RCBTB2: variants seen among roughly 807,000 people sequenced by gnomAD.
RCBTB2 encodes RCC1 and BTB domain containing protein 2, also known as RCC1 and BTB domain-containing protein 2.
In RCBTB2, 55 loss-of-function variants were observed where a neutral mutation model predicts 65.4. The ratio of observed to expected loss-of-function variants is 0.84; its 90% confidence interval spans 0.68 to 1.05. The LOEUF (loss-of-function observed/expected upper bound fraction) is 1.05, where lower values mean the gene tolerates loss of function less well. RCBTB2 is among the 50% of genes least tolerant of loss of function. RCBTB2 has a pLI of 0.00. For synonymous variants in RCBTB2, 220 were observed against 255.2 expected (o/e 0.86, Z 1.31); for missense variants, 599 against 680.1 (o/e 0.88, Z 1.33).
chr13:48,502,353 C>G (rs907463976), intron 11 of RCBTB2, among the ~76,000 whole-genome samples: 2 of 151,798 alleles, frequency 1.3e-5, no homozygotes, highest in Non-Finnish European at 2.9e-5. Flanking sequence ...ATTAGCCAGG[C>G]ATGGTAATGG....
intron 6 of RCBTB2, 145 bp downstream of exon 6, chr13:48,515,060 C>G: frequency 1.4e-6 from 1 of 731,530 alleles, no homozygotes; most frequent in East Asian, 2.6e-5. Context: ...TCACCTTATG[C>G]TGGCATTCAG....
In RCBTB2 at chr13:48,527,361, T is replaced by TATCATATA; in HGVS notation, c.-218-2605_-218-2604insTATATGAT. ...TGATATATATATATATGATATATAT[T>TATCATATA]TATATATGATATATATATATGATAT... On this transcript the variant is annotated intron_variant, in intron 1 of 14. Coordinates refer to ENST00000344532, the MANE Select transcript of RCBTB2 (RefSeq NM_001268.4). Among the ~76,000 whole-genome samples, 821 of 112,298 alleles carry TATCATATA rather than the reference T, an allele frequency of 7.3e-3. 39 individuals carry two copies. In the East Asian group the frequency reaches 0.075, roughly 10 times the overall value. 73.7% of individuals were successfully genotyped at this position (112,298 alleles called of 152,430 possible).
rs1555299754 is a variant in RCBTB2, at chr13:48,499,168, T to TCTCA, written c.1384+452_1384+453insTGAG. Among the ~76,000 whole-genome samples the TCTCA allele has an allele frequency of 8.4e-3, 1,158 of 137,962 alleles. 12 individuals are homozygous for TCTCA. The highest frequency in any genetic ancestry group is 0.029 in the African/African-American group (1,101 of 37,538). The allele number at this position is 137,962 out of a possible 152,430, so 90.5% of individuals were successfully genotyped here. A position where few individuals can be genotyped will look rare whatever the true frequency, so the allele number is the denominator to read the frequency against. ...CTCTCTCTCTCTCTCTCTCTCTCTCTCACACACACACACACATCCATTCTT... is the reference window on the plus strand; with the variant it reads ...CTCTCTCTCTCTCTCTCTCTCTCTCTCTCACACACACACACACACATCCATTCTT... On this transcript the variant is annotated intron_variant, in intron 13 of 14. Transcript: ENST00000344532.
Position 48,522,182 on chromosome 13 carries a change from C to G in RCBTB2, c.-24+126G>C, listed in dbSNP as rs575826881. The G allele has an allele frequency of 4.0e-6, 3 of 745,200 alleles. No individual in the cohort carries two copies. In the South Asian group the frequency reaches 5.1e-5, roughly 13 times the overall value. 46.2% of individuals were successfully genotyped at this position (745,200 alleles called of 1,614,324 possible). On this transcript the variant is annotated intron_variant, in intron 3 of 14. Coordinates refer to ENST00000344532, the MANE Select transcript of RCBTB2 (RefSeq NM_001268.4). ...CTACTGGATGGCCTCTTACGGGAATCTTCCTGCTGAGGTCTGAAAAAGTAG... is the reference window on the plus strand; with the variant it reads ...CTACTGGATGGCCTCTTACGGGAATGTTCCTGCTGAGGTCTGAAAAAGTAG...
intron 6 of RCBTB2, among the ~76,000 whole-genome samples, chr13:48,514,303 T>C (rs1950966299): frequency 6.6e-6 from 1 of 152,192 alleles, no homozygotes; most frequent in South Asian, 2.1e-4. Context: ...GACAAAGGGA[T>C]GGTTCATGTC....
rs1442354877 is a variant in RCBTB2 at position 48,489,636 on chromosome 13, T to C, written c.*475A>G. 2 of 152,814 alleles carry C rather than the reference T, an allele frequency of 1.3e-5. No individual in the cohort carries two copies. The highest frequency in any genetic ancestry group is 2.9e-5 in the Non-Finnish European group (2 of 68,456). 9.5% of individuals were successfully genotyped at this position (152,814 alleles called of 1,614,324 possible). On this transcript the variant is annotated 3_prime_UTR_variant, in exon 15 of 15. Transcript: ENST00000344532. ...AGTTATTCCTTCTCCCAGTATTCCA[T>C]GACTAAAGCTGTTCTCAGGACATAC...
In RCBTB2 at chr13:48,499,679, C is replaced by T; in HGVS notation, c.1326G>A (p.Arg442=). ...CTGTGTATAGGTATTCCAGGAAGGC[C>T]CGGTAAACAGGATATGAAAATTCAC... ...EMSEFSYPVY[R]AFLEYLYTDS... The change falls in exon 13 of 15, where the codon CGG becomes CGA. Residue 442 remains arginine (R), a synonymous_variant. Coordinates refer to ENST00000344532, the MANE Select transcript of RCBTB2 (RefSeq NM_001268.4). The T allele has an allele frequency of 6.2e-7, 1 of 1,614,120 alleles. No homozygotes were observed. The highest frequency in any genetic ancestry group is 8.5e-7 in the Non-Finnish European group (1 of 1,180,016).
At chr13:48,508,754 C>T (rs1241676619) in intron 10 of RCBTB2, among the ~76,000 whole-genome samples, 4 of 152,172 alleles carry the variant, frequency 2.6e-5, no homozygotes, top group Non-Finnish European at 5.9e-5. Flanking sequence ...TTTAAGAAGA[C>T]AGAAATGCAA....
Position 48,515,206 on chromosome 13 carries a change from T to C in RCBTB2, c.348A>G (p.Thr116=), listed in dbSNP as rs1443297324. ...TTCTACATGGGGTTCCTAGGTTACC[T>C]GTTGTTGCAAGGACAATATGTGGAC... The part of the protein sequence containing the change: ...GSGPHIVLAT[T]EGEVFTWGHN... Residue 116 remains threonine (T), a splice_region_variant and synonymous_variant, in exon 6 of 15, where the codon ACA becomes ACG. Coordinates refer to ENST00000344532, the MANE Select transcript of RCBTB2 (RefSeq NM_001268.4). 4 of 1,611,288 alleles carry C rather than the reference T, an allele frequency of 2.5e-6. No homozygotes were observed. The highest frequency in any genetic ancestry group is 4.5e-5 in the East Asian group (2 of 44,868).
intron 1 of RCBTB2, among the ~76,000 whole-genome samples, chr13:48,525,885 G>A (rs1228238184): frequency 1.3e-5 from 2 of 152,214 alleles, no homozygotes; most frequent in East Asian, 1.9e-4. Context: ...ACATGCAGAA[G>A]ACAGTACTAT....
rs9332049 is a variant in RCBTB2 at position 48,500,836 on chromosome 13, C to G, written c.1244+906G>C. ...GTGTTACAGCAAACAAATCCACCCC[C>G]CTTCTTTCATGCAGGTTGATGTGAT... On this transcript the variant is annotated intron_variant, in intron 12 of 14. Coordinates refer to ENST00000344532, the MANE Select transcript of RCBTB2 (RefSeq NM_001268.4). 5.8e-3 allele frequency among the ~76,000 whole-genome samples: 880 copies of G among 152,268 alleles called. 5 individuals carry two copies. The highest frequency in any genetic ancestry group is 0.01 in the Middle Eastern group (3 of 294).
At chr13:48,518,472 A>AAAAAT (rs1491137365) in intron 4 of RCBTB2, among the ~76,000 whole-genome samples, 46 of 116,582 alleles carry the variant, frequency 3.9e-4, no homozygotes, top group African/African-American at 1.4e-3. Flanking sequence ...AAAAAAAAAA[A>AAAAAT]ATATATATAT....
At chr13:48,497,117 G>T (rs964399676) in intron 13 of RCBTB2, among the ~76,000 whole-genome samples, 1 of 152,160 alleles carries the variant, frequency 6.6e-6, no homozygotes, top group Non-Finnish European at 1.5e-5. Flanking sequence ...CATTTACACA[G>T]AATTTGATAT....
rs1366425462 is a variant in RCBTB2 at position 48,499,142 on chromosome 13, A to ACACT, written c.1384+478_1384+479insAGTG. ...CACACACACACACACACACACACACACTCTCTCTCTCTCTCTCTCTCTCTC... is the reference window on the plus strand; with the variant it reads ...CACACACACACACACACACACACACACACTCTCTCTCTCTCTCTCTCTCTCTCTC... On this transcript the variant is annotated intron_variant, in intron 13 of 14. Transcript: ENST00000344532. 3.7e-3 allele frequency among the ~76,000 whole-genome samples: 496 copies of ACACT among 132,294 alleles called. 1 individual carries two copies. The highest frequency in any genetic ancestry group is 4.4e-3 in the Non-Finnish European group (269 of 61,556). The allele number at this position is 132,294 out of a possible 152,430, so 86.8% of individuals were successfully genotyped here.
intron 9 of RCBTB2, 98 bp from the exon 10 acceptor site, chr13:48,510,869 G>C: frequency 7.9e-7 from 1 of 1,268,144 alleles, no homozygotes; most frequent in South Asian, 1.4e-5. Context: ...AAAAAAGGAA[G>C]AGGCAGCCTA....
rs1358389447 is a variant in RCBTB2, at chr13:48,489,173, T to G, written c.*938A>C. On this transcript the variant is annotated 3_prime_UTR_variant, in exon 15 of 15. Transcript: ENST00000344532. ...AAATTTATCTCATTCTTGTTAATGCTGTCCATGAAATGTAAGTATCAGTTC... is the reference window on the plus strand; with the variant it reads ...AAATTTATCTCATTCTTGTTAATGCGGTCCATGAAATGTAAGTATCAGTTC... 6.6e-6 allele frequency: 1 copy of G among 152,228 alleles called. No individual in the cohort carries two copies. The highest frequency in any genetic ancestry group is 2.4e-5 in the African/African-American group (1 of 41,462). The allele number at this position is 152,228 out of a possible 1,614,324, so 9.4% of individuals were successfully genotyped here.
rs1026555338 is a variant in RCBTB2 at position 48,519,571 on chromosome 13, T to C, written c.42+2327A>G. Reference sequence around the variant, plus strand: ...TGCGTGTGTTTTCTTTAATGAAACCTCCAGTCTGTAAGTTTTATGAAATGA... The same window carrying C: ...TGCGTGTGTTTTCTTTAATGAAACCCCCAGTCTGTAAGTTTTATGAAATGA... On this transcript the variant is annotated intron_variant, in intron 4 of 14. Coordinates refer to ENST00000344532, the MANE Select transcript of RCBTB2 (RefSeq NM_001268.4). Among the ~76,000 whole-genome samples the C allele has an allele frequency of 1.6e-4, 24 of 152,282 alleles. No individual in the cohort carries two copies. In the East Asian group the frequency reaches 4.6e-3, roughly 29 times the overall value.
At chr13:48,498,387 T>G (rs940117612) in intron 13 of RCBTB2, among the ~76,000 whole-genome samples, 1 of 152,156 alleles carries the variant, frequency 6.6e-6, no homozygotes, top group Non-Finnish European at 1.5e-5. Flanking sequence ...AGGTCTCCAT[T>G]TGGAGTCTTG....
chr13:48,509,123 G>T (rs114658019), intron 10 of RCBTB2, among the ~76,000 whole-genome samples: 1 of 152,098 alleles, frequency 6.6e-6, no homozygotes, highest in African/African-American at 2.4e-5. Flanking sequence ...TTGAGCCCAG[G>T]AGCTACCAGC....
Sources: allele counts gnomAD v4.1 joint callset (sites outside exome capture counted in the v4.1 genomes callset), GRCh38; gene constraint gnomAD v4.1.1; transcripts MANE v1.5; gene names NCBI Gene and HGNC (gene_info 2026-07-23, HGNC 2026-07-21).